SLC35F4: variants seen among roughly 807,000 people sequenced by gnomAD.
SLC35F4 encodes solute carrier family 35 member F4, also known as chromosome 14 open reading frame 36.
SLC35F4 carries 24 observed loss-of-function variants against 44.2 expected under a neutral mutation model. The observed-to-expected ratio is 0.54, with a 90% CI of 0.39 to 0.76. SLC35F4 has a LOEUF of 0.76. SLC35F4 is among the 30% of genes least tolerant of loss of function. The pLI, the probability that SLC35F4 is intolerant of heterozygous loss-of-function variation, is 0.00. For synonymous variants in SLC35F4, 238 were observed against 223.6 expected (o/e 1.06, Z -0.57); for missense variants, 562 against 586.1 (o/e 0.96, Z 0.42).
chr14:57,925,491 AAGGAAGGGAGGGAGGGAGGG>A (rs1889540682), intron 1 of SLC35F4, among the ~76,000 whole-genome samples: 2 of 82,404 alleles, frequency 2.4e-5, no homozygotes, highest in Non-Finnish European at 2.4e-5. Context: ...GGAAGGAAGG[AAGGAAGGGAGGGAGGGAGGG>A]AGGGAGGGAG....
chr14:57,960,918 T>C (rs1049080544), intron 1 of SLC35F4, among the ~76,000 whole-genome samples: 1 of 152,080 alleles, frequency 6.6e-6, no homozygotes, highest in Non-Finnish European at 1.5e-5. Flanking sequence ...AAATCTGACC[T>C]GGGGCCCCTG....
chr14:57,656,104 T>G (rs1259578644), intron 1 of SLC35F4, among the ~76,000 whole-genome samples: 3 of 151,954 alleles, frequency 2.0e-5, no homozygotes, highest in Non-Finnish European at 4.4e-5. Flanking sequence ...CAGACTGCCC[T>G]CGGCTCTGCT....
At chr14:57,749,261 A>C (rs2076828422) in intron 1 of SLC35F4, among the ~76,000 whole-genome samples, 1 of 152,108 alleles carries the variant, frequency 6.6e-6, no homozygotes, top group South Asian at 2.1e-4. Context: ...TGGGGATAGG[A>C]TCACGATAGG....
chr14:57,576,932 G>T (rs1309792944), intron 4 of SLC35F4, among the ~76,000 whole-genome samples: 1 of 152,108 alleles, frequency 6.6e-6, no homozygotes, highest in African/African-American at 2.4e-5. Context: ...TGTAAAATCG[G>T]ACAGCCAGCA....
At chr14:57,794,516 A>T (rs2078007627) in intron 1 of SLC35F4, among the ~76,000 whole-genome samples, 1 of 152,172 alleles carries the variant, frequency 6.6e-6, no homozygotes, top group South Asian at 2.1e-4. Context: ...CTCAGCCAGA[A>T]TGACCATTAT....
rs186318298 is a variant in SLC35F4, at chr14:57,858,007, C to A, written c.103+7716G>T. On this transcript the variant is annotated intron_variant, in intron 1 of 7. Coordinates refer to ENST00000556826, the MANE Select transcript of SLC35F4 (RefSeq NM_001306087.2). ...ACCATCTCACACCAGTTAGAATGGC[C>A]ATCATTAAAAAGTTGGGAAACAACA... Among the ~76,000 whole-genome samples the A allele has an allele frequency of 1.8e-3, 279 of 152,022 alleles. 1 individual carries two copies. Among genetic ancestry groups the A allele is most frequent in the Non-Finnish European group, 3.4e-3 (232 of 68,004 alleles).
At chr14:57,598,087 CCCTAAA>C (rs2070600601) in intron 1 of SLC35F4, among the ~76,000 whole-genome samples, 2 of 152,126 alleles carry the variant, frequency 1.3e-5, no homozygotes, top group African/African-American at 2.4e-5. Context: ...GCCAGAGTGT[CCCTAAA>C]CCTCAGGAAC....
chr14:57,916,313 T>G (rs762072840), intron 1 of SLC35F4, among the ~76,000 whole-genome samples: 4 of 152,228 alleles, frequency 2.6e-5, no homozygotes, highest in African/African-American at 4.8e-5. Flanking sequence ...ATCCCACCTC[T>G]CAACACCGTT....
chr14:57,613,573 G>A (rs1173740802), intron 1 of SLC35F4, among the ~76,000 whole-genome samples: 1 of 152,192 alleles, frequency 6.6e-6, no homozygotes, highest in Admixed American at 6.5e-5. Flanking sequence ...TTCTAAGGCA[G>A]CAATAGTCCG....
At chr14:57,606,008 G>T (rs1362978181) in intron 1 of SLC35F4, among the ~76,000 whole-genome samples, 1 of 152,130 alleles carries the variant, frequency 6.6e-6, no homozygotes, top group Non-Finnish European at 1.5e-5. Context: ...TACCTATTGG[G>T]TACTATGCTC....
intron 1 of SLC35F4, among the ~76,000 whole-genome samples, chr14:57,659,250 T>A (rs1381977648): frequency 2.0e-5 from 3 of 151,868 alleles, no homozygotes; most frequent in African/African-American, 7.3e-5. Flanking sequence ...TGAAAAGGAA[T>A]CCCAAGGGAC....
At chr14:57,971,371 A>T (rs542913360) in intron 1 of SLC35F4, among the ~76,000 whole-genome samples, 1 of 152,368 alleles carries the variant, frequency 6.6e-6, no homozygotes, top group African/African-American at 2.4e-5. Flanking sequence ...TCCTGAATCA[A>T]ATAGATTCAA....
At chr14:57,891,539 G>T (rs956093892) in intron 1 of SLC35F4, among the ~76,000 whole-genome samples, 2 of 152,022 alleles carry the variant, frequency 1.3e-5, no homozygotes, top group African/African-American at 4.8e-5. Context: ...AGATTAGTAA[G>T]AATAATATAA....
intron 1 of SLC35F4, among the ~76,000 whole-genome samples, chr14:57,608,444 G>T (rs1314914231): frequency 6.6e-6 from 1 of 152,128 alleles, no homozygotes; most frequent in Non-Finnish European, 1.5e-5. Flanking sequence ...GCTTTTATCA[G>T]CCAAGGAATG....
At chr14:57,896,902 G>A (rs1888884499) in intron 1 of SLC35F4, among the ~76,000 whole-genome samples, 1 of 152,138 alleles carries the variant, frequency 6.6e-6, no homozygotes, top group Non-Finnish European at 1.5e-5. Context: ...ATTAATAGTA[G>A]CTTTAATTGT....
At chr14:57,969,687 T>C (rs1880998496) in intron 1 of SLC35F4, among the ~76,000 whole-genome samples, 1 of 152,252 alleles carries the variant, frequency 6.6e-6, no homozygotes, top group African/African-American at 2.4e-5. Flanking sequence ...GCCTATGAGA[T>C]ACGCCATAAT....
In SLC35F4 at chr14:57,963,205, C is replaced by T. The variant is rs184495986; in HGVS notation, n.282+18708G>A. On this transcript the variant is annotated intron_variant and non_coding_transcript_variant, in intron 1 of 1. Coordinates refer to the SLC35F4 transcript ENST00000556568. ...TTTGCTTTCAGCCACATGGATTTTT[C>T]CAACCCTTCTATGGGAATGGTGGCT... Among the ~76,000 whole-genome samples, 395 of 152,284 alleles carry T rather than the reference C, an allele frequency of 2.6e-3. 2 individuals are homozygous for T. Among genetic ancestry groups the T allele is most frequent in the Middle Eastern group, 0.01 (3 of 294 alleles).
intron 1 of SLC35F4, among the ~76,000 whole-genome samples, chr14:57,933,490 G>A (rs1178576105): frequency 1.3e-5 from 2 of 151,858 alleles, no homozygotes; most frequent in Non-Finnish European, 2.9e-5. Context: ...AATCAGTGAG[G>A]GCCTCTGCCT....
chr14:57,602,387 A>G (rs2070879456), intron 1 of SLC35F4: 1 of 152,140 alleles, frequency 6.6e-6, no homozygotes, highest in African/African-American at 2.4e-5. Context: ...AAGAGAGGGT[A>G]GGATACTCAC....
Sources: gnomAD v4.1 joint callset for allele counts (sites outside exome capture counted in the v4.1 genomes callset) on GRCh38, gnomAD v4.1.1 for gene constraint, MANE v1.5 for transcripts, NCBI Gene and HGNC (gene_info 2026-07-23, HGNC 2026-07-21) for gene names.